TBR1: variants seen among roughly 807,000 people sequenced by gnomAD.
TBR1 encodes the protein T-box brain transcription factor 1, also known as T-box brain protein 1.
A neutral mutation model predicts 60.3 loss-of-function variants in TBR1; 7 were observed. The observed-to-expected ratio is 0.12, with a 90% CI of 0.07 to 0.22. The LOEUF (loss-of-function observed/expected upper bound fraction) is 0.22, where lower values mean the gene tolerates loss of function less well. Among genes scored for constraint, TBR1 ranks in the 10% least tolerant of loss-of-function variants. TBR1 has a pLI of 1.00. For missense variants in TBR1, 616 were observed against 936.8 expected, an observed-to-expected ratio of 0.66 and a Z score of 4.47; for synonymous variants, 417 against 409.9, an observed-to-expected ratio of 1.02 and a Z score of -0.21.
chr2:161,419,168 G>T, intron 4 of TBR1, 118 bp downstream of exon 4: 1 of 1,470,192 alleles, frequency 6.8e-7, no homozygotes, highest in East Asian at 2.4e-5. Context: ...GCAACAGCTG[G>T]CTCCGCTGTG....
intron 4 of TBR1, chr2:161,419,445 C>A: frequency 5.7e-6 from 1 of 174,074 alleles, no homozygotes; most frequent in Non-Finnish European, 1.2e-5. Flanking sequence ...GCTTTGGCAT[C>A]TAAAAAAAAA....
At chr2:161,422,527 G>C (rs979314770) in intron 5 of TBR1, 1 of 152,218 alleles carries the variant, frequency 6.6e-6, no homozygotes, top group African/African-American at 2.4e-5. Flanking sequence ...TCCATTGCAT[G>C]GAGTAGGCTG....
At chr2:161,419,173 G>T in intron 4 of TBR1, 123 bp downstream of exon 4, 1 of 1,465,010 alleles carries the variant, frequency 6.8e-7, no homozygotes, top group East Asian at 2.4e-5. Flanking sequence ...AGCTGGCTCC[G>T]CTGTGCGTTT....
chr2:161,422,251 T>A (rs1684244713), intron 5 of TBR1: 1 of 152,266 alleles, frequency 6.6e-6, no homozygotes, highest in Non-Finnish European at 1.5e-5. Flanking sequence ...TGCATGTGTA[T>A]GAGAAAACAC....
At chr2:161,423,337 C>G in intron 5 of TBR1, 32 bp from the exon 6 acceptor site, 1 of 1,326,666 alleles carries the variant, frequency 7.5e-7, no homozygotes, top group Non-Finnish European at 9.8e-7. Context: ...CGCCACCCCT[C>G]GGCTCTCTCT....
chr2:161,423,675 C>T lies in TBR1; in HGVS notation c.1497C>T (p.Ala499=). ...ACCGGCTGGACTTCGCGGCCTCGGCCTATGACACGGCCACGGACTTCGCGG... is the reference window on the plus strand; with the variant it reads ...ACCGGCTGGACTTCGCGGCCTCGGCTTATGACACGGCCACGGACTTCGCGG... ...ANNRLDFAAS[A]YDTATDFAGN... Residue 499 remains alanine (A), a synonymous_variant, in exon 6 of 6, where the codon GCC becomes GCT. Coordinates refer to ENST00000389554, the MANE Select transcript of TBR1 (RefSeq NM_006593.4). 6.5e-7 allele frequency: 1 copy of T among 1,545,218 alleles called. No individual in the cohort carries two copies. The highest frequency in any genetic ancestry group is 8.7e-7 in the Non-Finnish European group (1 of 1,155,300).
intron 4 of TBR1, 99 bp downstream of exon 4, chr2:161,419,149 C>A: frequency 1.9e-6 from 3 of 1,557,372 alleles, no homozygotes; most frequent in Non-Finnish European, 2.6e-6. Flanking sequence ...ACTAGCAGCG[C>A]TAACATCAGC....
rs2105278916 is a variant in TBR1 at position 161,417,704 on chromosome 2, A to G, written c.721A>G (p.Ile241Val). 9 of 1,613,092 alleles carry G rather than the reference A, an allele frequency of 5.6e-6. No individual in the cohort carries two copies. Among genetic ancestry groups the G allele is most frequent in the Non-Finnish European group, 6.8e-6 (8 of 1,179,744 alleles). The change falls in exon 2 of 6, where the codon ATT becomes GTT. Residue 241 changes from isoleucine (I) to valine (V), a missense_variant. Physicochemically the swap from Ile to Val is conservative, Grantham distance 29 (BLOSUM62 3). Transcript: ENST00000389554. The surrounding 1 kb of genome is among the most constrained non-coding windows in gnomAD (Gnocchi z 5.3). ...RRMFPFLSFN[I>V]SGLDPTAHYN... ...CATGTTTCCTTTTTTAAGTTTTAAC[A>G]TTTCTGGTCTCGATCCCACGGCTCA...
intron 4 of TBR1, 116 bp from the exon 5 acceptor site, chr2:161,420,080 G>T: frequency 2.9e-6 from 2 of 685,384 alleles, no homozygotes; most frequent in East Asian, 3.0e-5. Flanking sequence ...GGAAAACCTT[G>T]CTATTTAATA....
chr2:161,424,397 CT>C lies in TBR1; in HGVS notation c.*176del. 1 of 738,652 alleles carries C rather than the reference CT, an allele frequency of 1.4e-6. No homozygotes were observed. 45.8% of individuals were successfully genotyped at this position (738,652 alleles called of 1,614,324 possible). A position where few individuals can be genotyped will look rare whatever the true frequency, so the allele number is the denominator to read the frequency against. ...GCAGGTCTCCGAGCGTGATTTTAAC[CT>C]TTTTTGCACAGCAGTCTCTGCAATT... On this transcript the variant is annotated 3_prime_UTR_variant, in exon 6 of 6. Coordinates refer to ENST00000389554, the MANE Select transcript of TBR1 (RefSeq NM_006593.4). The surrounding 1 kb of genome is among the most constrained non-coding windows in gnomAD (Gnocchi z 4.4).
chr2:161,419,179 C>CAAA, intron 4 of TBR1, 129 bp downstream of exon 4: 1 of 1,394,348 alleles, frequency 7.2e-7, no homozygotes. Flanking sequence ...CTCCGCTGTG[C>CAAA]GTTTTAAGGC....
In TBR1 at chr2:161,423,575, G is replaced by A. The variant is rs1684270909; in HGVS notation, c.1397G>A (p.Gly466Glu). 1.2e-5 allele frequency: 18 copies of A among 1,547,836 alleles called. No homozygotes were observed. Among genetic ancestry groups the A allele is most frequent in the Non-Finnish European group, 1.6e-5 (18 of 1,152,110 alleles). Reference sequence around the variant, plus strand: ...GACCGCAGCGTGCCGCACACCAACGGGCTGCTGTCGCCGCAGCAGGCCGAG... The same window carrying A: ...GACCGCAGCGTGCCGCACACCAACGAGCTGCTGTCGCCGCAGCAGGCCGAG... ...GTDRSVPHTN[G>E]LLSPQQAEDP... is the part of the protein sequence containing the mutation. Residue 466 changes from glycine (G) to glutamate (E), a missense_variant, in exon 6 of 6, where the codon GGG becomes GAG. Physicochemically the swap from Gly to Glu is moderately conservative, Grantham distance 98. Transcript: ENST00000389554.
Position 161,424,426 on chromosome 2 carries a change from C to A in TBR1, c.*199C>A. 1.7e-6 allele frequency: 1 copy of A among 604,018 alleles called. No homozygotes were observed. Among genetic ancestry groups the A allele is most frequent in the Non-Finnish European group, 2.8e-6 (1 of 352,764 alleles). 37.4% of individuals were successfully genotyped at this position (604,018 alleles called of 1,614,324 possible). On this transcript the variant is annotated 3_prime_UTR_variant, in exon 6 of 6. Coordinates refer to ENST00000389554, the MANE Select transcript of TBR1 (RefSeq NM_006593.4). This position sits in a 1 kb window ranked among gnomAD's most constrained non-coding sequence, Gnocchi z 4.4. ...TTTGCACAGCAGTCTCTGCAATTAG[C>A]TCACCGACCTTCAACTTTGCTGTAA...
Position 161,424,441 on chromosome 2 carries a change from C to T in TBR1, c.*214C>T. 1 of 576,268 alleles carries T rather than the reference C, an allele frequency of 1.7e-6. No homozygotes were observed. The highest frequency in any genetic ancestry group is 3.0e-6 in the Non-Finnish European group (1 of 331,196). 35.7% of individuals were successfully genotyped at this position (576,268 alleles called of 1,614,324 possible). A position where few individuals can be genotyped will look rare whatever the true frequency, so the allele number is the denominator to read the frequency against. On this transcript the variant is annotated 3_prime_UTR_variant, in exon 6 of 6. Transcript: ENST00000389554. The surrounding 1 kb of genome is among the most constrained non-coding windows in gnomAD (Gnocchi z 4.4). ...CTGCAATTAGCTCACCGACCTTCAA[C>T]TTTGCTGTAAACCTTTTGGTTTTCC... is the stretch of plus-strand genomic sequence containing the variant.
In TBR1 at chr2:161,416,716, A is replaced by G; in HGVS notation, c.306A>G (p.Ala102=). The change falls in exon 1 of 6, where the codon GCA becomes GCG. Residue 102 remains alanine (A), a synonymous_variant. Coordinates refer to ENST00000389554, the MANE Select transcript of TBR1 (RefSeq NM_006593.4). The surrounding 1 kb of genome is among the most constrained non-coding windows in gnomAD (Gnocchi z 6.1). ...GTCACAGTTTCGATGGCTCTGCTGC[A>G]GATCGCTACCTCCTCTCTCAGTCCA... ...ELRHSFDGSA[A]DRYLLSQSSQ... The G allele has an allele frequency of 6.2e-7, 1 of 1,614,140 alleles. No homozygotes were observed. Among genetic ancestry groups the G allele is most frequent in the East Asian group, 2.2e-5 (1 of 44,882 alleles).
chr2:161,416,871 A>G lies in TBR1; in HGVS notation c.461A>G (p.Asn154Ser), dbSNP rs1395540593. Residue 154 changes from asparagine (N) to serine (S), a missense_variant, in exon 1 of 6, where the codon AAC becomes AGC. Asn to Ser is a conservative substitution (Grantham distance 46). Coordinates refer to ENST00000389554, the MANE Select transcript of TBR1 (RefSeq NM_006593.4). This position sits in a 1 kb window ranked among gnomAD's most constrained non-coding sequence, Gnocchi z 6.1. ...ATGGCCCACCACCCGGTCATCACCAACGGAGCCTACAACAGCCTCCTGTCC... is the reference window on the plus strand; with the variant it reads ...ATGGCCCACCACCCGGTCATCACCAGCGGAGCCTACAACAGCCTCCTGTCC... ...RYMAHHPVIT[N>S]GAYNSLLSNS... 3.7e-6 allele frequency: 6 copies of G among 1,613,892 alleles called. No individual in the cohort carries two copies. The highest frequency in any genetic ancestry group is 2.2e-5 in the East Asian group (1 of 44,866).
rs1356191487 is a variant in TBR1, at chr2:161,418,318, G to C, written c.965G>C (p.Gly322Ala). ...AACAAAGGAGCTTCAAATAACAATGGGCAGGTCAGTGGCTCAAGCGCTCGT... is the reference window on the plus strand; with the variant it reads ...AACAAAGGAGCTTCAAATAACAATGCGCAGGTCAGTGGCTCAAGCGCTCGT... Reference protein sequence around the residue: ...TNNKGASNNNGQMVVLQSLHK... With the variant: ...TNNKGASNNNAQMVVLQSLHK... The change falls in exon 3 of 6, where the codon GGG becomes GCG. Residue 322 changes from glycine to alanine, a missense_variant. Transcript: ENST00000389554. The C allele has an allele frequency of 6.2e-7, 1 of 1,613,296 alleles. No homozygotes were observed. Among genetic ancestry groups the C allele is most frequent in the Non-Finnish European group, 8.5e-7 (1 of 1,179,672 alleles).
chr2:161,421,968 A>AG (rs1684239643), intron 5 of TBR1: 1 of 151,768 alleles, frequency 6.6e-6, no homozygotes. Context: ...ACACACACAA[A>AG]CCTGAGATTT....
rs559777444 is a variant in TBR1 at position 161,416,869 on chromosome 2, C to T, written c.459C>T (p.Thr153=). The stretch of plus-strand genomic sequence containing the variant: ...ACATGGCCCACCACCCGGTCATCAC[C>T]AACGGAGCCTACAACAGCCTCCTGT... ...SRYMAHHPVI[T]NGAYNSLLSN... The change falls in exon 1 of 6, where the codon ACC becomes ACT. Residue 153 remains threonine, a synonymous_variant. Transcript: ENST00000389554. The surrounding 1 kb of genome is among the most constrained non-coding windows in gnomAD (Gnocchi z 6.1). 4.0e-5 allele frequency: 65 copies of T among 1,614,016 alleles called. No individual in the cohort carries two copies. The South Asian group carries it at 6.7e-4, about 17-fold the overall frequency.
Sources: allele counts gnomAD v4.1 joint callset, GRCh38; gene constraint gnomAD v4.1.1; non-coding constraint Gnocchi (gnomAD v3.1); transcripts MANE v1.5; gene names NCBI Gene and HGNC (gene_info 2026-07-23, HGNC 2026-07-21).